Variants in KCNQ5 observed in about 807,000 individuals in gnomAD.
KCNQ5 encodes potassium voltage-gated channel subfamily Q member 5.
Under a neutral mutation model 98.2 loss-of-function variants are expected in KCNQ5, and 30 were observed. The observed-to-expected ratio is 0.31, with a 90% CI of 0.23 to 0.41. The LOEUF (loss-of-function observed/expected upper bound fraction) is 0.41, where lower values mean the gene tolerates loss of function less well. Among genes scored for constraint, KCNQ5 ranks in the 10% least tolerant of loss-of-function variants. The pLI, the probability that KCNQ5 is intolerant of heterozygous loss-of-function variation, is 1.00. For missense variants in KCNQ5, 835 were observed against 1,182.5 expected (o/e 0.71, Z 4.31); for synonymous variants, 458 against 449.4 (o/e 1.02, Z -0.24).
chr6:72,844,119 A>G (rs1041688375), intron 1 of KCNQ5, among the ~76,000 whole-genome samples: 1 of 152,198 alleles, frequency 6.6e-6, no homozygotes, highest in African/African-American at 2.4e-5. Flanking sequence ...ACAAACCTGC[A>G]TGTTCTGTGT....
chr6:72,631,147 T>G (rs2098920583), intron 1 of KCNQ5, among the ~76,000 whole-genome samples: 1 of 152,184 alleles, frequency 6.6e-6, no homozygotes, highest in Non-Finnish European at 1.5e-5. Flanking sequence ...GTGGTGCTAT[T>G]AACTGAAATC....
intron 1 of KCNQ5, among the ~76,000 whole-genome samples, chr6:72,701,128 T>C (rs1420265322): frequency 2.6e-5 from 4 of 152,220 alleles, no homozygotes; most frequent in Admixed American, 6.5e-5. Flanking sequence ...CTCTGAAAGA[T>C]TAATAAATTG....
chr6:73,129,973 T>C (rs984741269), intron 9 of KCNQ5: 2 of 704,310 alleles, frequency 2.8e-6, no homozygotes, highest in Non-Finnish European at 4.8e-6. Flanking sequence ...TAGGGACTTC[T>C]TGAATGAGGT....
At chr6:72,842,512 C>T (rs1002566873) in intron 1 of KCNQ5, among the ~76,000 whole-genome samples, 6 of 152,142 alleles carry the variant, frequency 3.9e-5, no homozygotes, top group Admixed American at 1.3e-4. Context: ...TAAGATCATA[C>T]TGGTGGAAGT....
intron 1 of KCNQ5, among the ~76,000 whole-genome samples, chr6:72,638,380 T>G (rs1376938292): frequency 3.3e-5 from 5 of 152,216 alleles, no homozygotes; most frequent in African/African-American, 4.8e-5. Flanking sequence ...GTCATGCTGC[T>G]GAGAGCTGTT....
chr6:72,835,491 TA>T (rs1256352987), intron 1 of KCNQ5, among the ~76,000 whole-genome samples: 1 of 152,110 alleles, frequency 6.6e-6, no homozygotes, highest in Non-Finnish European at 1.5e-5. Flanking sequence ...GATCACAAAA[TA>T]AGGAATATAT....
chr6:72,647,109 ATTC>A (rs1288263041), intron 1 of KCNQ5, among the ~76,000 whole-genome samples: 2 of 152,244 alleles, frequency 1.3e-5, no homozygotes, highest in Non-Finnish European at 2.9e-5. Flanking sequence ...GTCTGTGACT[ATTC>A]TTACATTACA....
chr6:72,626,544 A>G (rs974571718), intron 1 of KCNQ5, among the ~76,000 whole-genome samples: 1 of 152,210 alleles, frequency 6.6e-6, no homozygotes, highest in African/African-American at 2.4e-5. Context: ...GTGGTCATTG[A>G]ATGGTGATAA....
intron 1 of KCNQ5, among the ~76,000 whole-genome samples, chr6:72,817,180 A>T (rs1309780404): frequency 6.6e-6 from 1 of 152,172 alleles, no homozygotes; most frequent in African/African-American, 2.4e-5. Flanking sequence ...CTACAAATTA[A>T]TGTAGTTATT....
chr6:73,075,265 T>C (rs1031905179), intron 3 of KCNQ5, among the ~76,000 whole-genome samples: 14 of 150,606 alleles, frequency 9.3e-5, no homozygotes, highest in Non-Finnish European at 1.3e-4. Flanking sequence ...GCTCTGTCGC[T>C]AGGCTGGAGT....
intron 2 of KCNQ5, among the ~76,000 whole-genome samples, chr6:73,036,940 C>G (rs1002401219): frequency 2.0e-5 from 3 of 152,192 alleles, no homozygotes; most frequent in African/African-American, 7.2e-5. Context: ...AAGGACCATA[C>G]TGTTTTACAT....
At chr6:72,686,827 CCTT>C (rs1450116287) in intron 1 of KCNQ5, among the ~76,000 whole-genome samples, 1 of 144,948 alleles carries the variant, frequency 6.9e-6, no homozygotes, top group Non-Finnish European at 1.5e-5. Context: ...TTGTTTTGTT[CCTT>C]CTTTTAATGT....
intron 1 of KCNQ5, among the ~76,000 whole-genome samples, chr6:72,888,546 A>G (rs568363991): frequency 2.0e-4 from 31 of 152,318 alleles, no homozygotes; most frequent in Non-Finnish European, 3.8e-4. Context: ...GGTGGTGCTG[A>G]GCATAATGGC....
At position 73,073,569 on chromosome 6, in the gene KCNQ5, T is replaced by A. The variant is rs190825067; in HGVS notation, c.617-3753T>A. 2.1e-3 allele frequency among the ~76,000 whole-genome samples: 315 copies of A among 152,304 alleles called. 3 individuals are homozygous for A. The highest frequency in any genetic ancestry group is 4.0e-3 in the Non-Finnish European group (271 of 68,020). Reference sequence around the variant, plus strand: ...GGAATCATTGATGTATATAAAACATTTAGCACAGTGCCTGGTACATAGTAG... The same window carrying A: ...GGAATCATTGATGTATATAAAACATATAGCACAGTGCCTGGTACATAGTAG... On this transcript the variant is annotated intron_variant, in intron 3 of 13. Coordinates refer to ENST00000370398, the MANE Select transcript of KCNQ5 (RefSeq NM_019842.4).
At chr6:72,813,164 A>G (rs1038136485) in intron 1 of KCNQ5, among the ~76,000 whole-genome samples, 3 of 152,108 alleles carry the variant, frequency 2.0e-5, no homozygotes, top group East Asian at 1.9e-4. Flanking sequence ...ATCTGTTTTT[A>G]TCATTTACCT....
rs1294011501 is a variant in KCNQ5, at chr6:73,051,732, A to C, written c.616+9670A>C. Among the ~76,000 whole-genome samples the C allele has an allele frequency of 9.1e-4, 65 of 71,220 alleles. 4 individuals are homozygous for C. The highest frequency in any genetic ancestry group is 2.7e-3 in the Admixed American group (18 of 6,608). The allele number at this position is 71,220 out of a possible 152,430, so 46.7% of individuals were successfully genotyped here. On this transcript the variant is annotated intron_variant, in intron 3 of 13. Transcript: ENST00000370398. Reference sequence around the variant, plus strand: ...AAAAAAAAAAAAAAAAAAAAAAAAAAAAAAAAAACTATCCAAAGGACAGCA... The same window carrying C: ...AAAAAAAAAAAAAAAAAAAAAAAAACAAAAAAAACTATCCAAAGGACAGCA...
chr6:73,143,902 A>G (rs78613492), intron 10 of KCNQ5, among the ~76,000 whole-genome samples: 5,248 of 152,292 alleles, frequency 0.034, 121 homozygotes, highest in East Asian at 0.086. Context: ...TAAGCACAAA[A>G]TTAACCATTA....
At position 73,063,124 on chromosome 6, in the gene KCNQ5, C is replaced by T. The variant is rs189616389; in HGVS notation, c.617-14198C>T. Reference sequence around the variant, plus strand: ...CTGAATGGTATTGAACTCGATTAGGCCATCTCCAGTCTCCTTATAAAAGAT... The same window carrying T: ...CTGAATGGTATTGAACTCGATTAGGTCATCTCCAGTCTCCTTATAAAAGAT... On this transcript the variant is annotated intron_variant, in intron 3 of 13. Coordinates refer to ENST00000370398, the MANE Select transcript of KCNQ5 (RefSeq NM_019842.4). 1.3e-3 allele frequency among the ~76,000 whole-genome samples: 201 copies of T among 152,278 alleles called. 3 individuals are homozygous for T. The highest frequency in any genetic ancestry group is 1.3e-4 in the Non-Finnish European group (9 of 68,016).
At chr6:73,091,229 A>C (rs561762588) in intron 5 of KCNQ5, among the ~76,000 whole-genome samples, 1 of 152,264 alleles carries the variant, frequency 6.6e-6, no homozygotes, top group African/African-American at 2.4e-5. Flanking sequence ...AGAAGAGAAA[A>C]CCAAACACCA....
Sources: gnomAD v4.1 joint callset for allele counts (sites outside exome capture counted in the v4.1 genomes callset) on GRCh38, gnomAD v4.1.1 for gene constraint, MANE v1.5 for transcripts, NCBI Gene and HGNC (gene_info 2026-07-23, HGNC 2026-07-21) for gene names.